PPIP5K1: variants seen among roughly 807,000 people sequenced by gnomAD.
PPIP5K1 encodes diphosphoinositol pentakisphosphate kinase 1, also known as inositol hexakisphosphate and diphosphoinositol-pentakisphosphate kinase 1.
PPIP5K1 carries 6 observed loss-of-function variants against 27.7 expected under a neutral mutation model. The observed-to-expected ratio is 0.22, with a 90% CI of 0.12 to 0.43. PPIP5K1 has a LOEUF of 0.43. Ranked by LOEUF, PPIP5K1 falls within the 20% of genes least tolerant of loss-of-function variation. The pLI is 1.00. For missense variants in PPIP5K1, 394 were observed against 635.4 expected (o/e 0.62, Z 4.08); for synonymous variants, 145 against 242.6 (o/e 0.60, Z 3.74).
At chr15:43,541,753 G>A (rs1382388846) in intron 30 of PPIP5K1, among the ~76,000 whole-genome samples, 2 of 151,176 alleles carry the variant, frequency 1.3e-5, no homozygotes, top group Non-Finnish European at 2.9e-5. Flanking sequence ...AGAGAGAAAA[G>A]AGAAAAGAAC....
intron 31 of PPIP5K1, among the ~76,000 whole-genome samples, chr15:43,538,109 G>A (rs984397750): frequency 6.6e-6 from 1 of 152,112 alleles, no homozygotes; most frequent in Non-Finnish European, 1.5e-5. Flanking sequence ...TGGTGTCAGA[G>A]AGGAAAGTTT....
rs1335427691 is a variant in PPIP5K1, at chr15:43,537,707, AGAGAG to A, written c.3670+1758_3670+1762del. Among the ~76,000 whole-genome samples, 275 of 99,280 alleles carry A rather than the reference AGAGAG, an allele frequency of 2.8e-3. 2 individuals carry two copies. Among genetic ancestry groups the A allele is most frequent in the African/African-American group, 0.015 (260 of 17,884 alleles). 65.1% of individuals were successfully genotyped at this position (99,280 alleles called of 152,430 possible). ...CCATCTCAAAAAAAAAAAAAAAAAA[AGAGAG>A]AGAGAGAGAGAGAGAGAGAAGATCA... On this transcript the variant is annotated intron_variant, in intron 31 of 31. Coordinates refer to ENST00000420765, the MANE Select transcript of PPIP5K1 (RefSeq NM_001394395.1).
intron 30 of PPIP5K1, among the ~76,000 whole-genome samples, chr15:43,552,740 A>C (rs191905084): frequency 1.3e-5 from 2 of 151,366 alleles, no homozygotes; most frequent in Admixed American, 1.3e-4. Context: ...TTCACCCACA[A>C]AAATTAAAAA....
At chr15:43,540,068 CACAGCAAA>C (rs961080497) in intron 30 of PPIP5K1, among the ~76,000 whole-genome samples, 1 of 151,976 alleles carries the variant, frequency 6.6e-6, no homozygotes, top group African/African-American at 2.4e-5. Flanking sequence ...GCCTGGCCAA[CACAGCAAA>C]ACCCCATTTC....
chr15:43,538,632 C>A (rs558592025), intron 31 of PPIP5K1, among the ~76,000 whole-genome samples: 7 of 152,296 alleles, frequency 4.6e-5, no homozygotes, highest in African/African-American at 1.7e-4. Context: ...CTGCCTCAGC[C>A]TTCCGAGTAG....
At chr15:43,558,688 G>A in intron 30 of PPIP5K1, 107 bp downstream of exon 30, 2 of 1,444,104 alleles carry the variant, frequency 1.4e-6, no homozygotes, top group Non-Finnish European at 1.9e-6. Context: ...GTACTTTTGT[G>A]TCTTTGTGGA....
chr15:43,549,551 G>T lies in PPIP5K1; in HGVS notation c.3556+9244C>A, dbSNP rs539743488. 2.2e-4 allele frequency among the ~76,000 whole-genome samples: 34 copies of T among 152,216 alleles called. No individual in the cohort carries two copies. In the South Asian group the frequency reaches 6.2e-3, roughly 28 times the overall value. On this transcript the variant is annotated intron_variant, in intron 30 of 31. Coordinates refer to ENST00000420765, the MANE Select transcript of PPIP5K1 (RefSeq NM_001394395.1). Reference sequence around the variant, plus strand: ...GCCTGTGGTCCTACCTACTTGGGAGGTTCAGGTGGGAGGATCACTTGAGCC... The same window carrying T: ...GCCTGTGGTCCTACCTACTTGGGAGTTTCAGGTGGGAGGATCACTTGAGCC...
At chr15:43,549,588 G>C (rs775592706) in intron 30 of PPIP5K1, among the ~76,000 whole-genome samples, 1 of 152,106 alleles carries the variant, frequency 6.6e-6, no homozygotes, top group East Asian at 1.9e-4. Context: ...GGGAGGCAGA[G>C]GTTTCAGTGA....
At chr15:43,554,518 G>A (rs1037424450) in intron 30 of PPIP5K1, among the ~76,000 whole-genome samples, 2 of 151,532 alleles carry the variant, frequency 1.3e-5, no homozygotes, top group Admixed American at 1.3e-4. Flanking sequence ...CTCTCTTTTG[G>A]TTACTATTTG....
In PPIP5K1 at chr15:43,534,799, G is replaced by A. The variant is rs1160179392; in HGVS notation, c.4348C>T (p.Leu1450=). The A allele has an allele frequency of 1.2e-6, 2 of 1,600,708 alleles. No individual in the cohort carries two copies. Among genetic ancestry groups the A allele is most frequent in the African/African-American group, 2.7e-5 (2 of 74,516 alleles). The change falls in exon 32 of 32, where the codon CTG becomes TTG. Residue 1450 remains leucine (L), a synonymous_variant. Coordinates refer to ENST00000420765, the MANE Select transcript of PPIP5K1 (RefSeq NM_001394395.1). ...TTGATCGCAGAAGTCTCCTGGGCCAGCCTGCCAACCTCCACAGAGAACTCC... is the reference window on the plus strand; with the variant it reads ...TTGATCGCAGAAGTCTCCTGGGCCAACCTGCCAACCTCCACAGAGAACTCC... ...YQEFSVEVGR[L]AQETSAINLL... is the part of the protein sequence containing the mutation.
chr15:43,548,870 A>T lies in PPIP5K1; in HGVS notation c.3557-9287T>A, dbSNP rs141876610. ...GTGAAACCCTGTCTCTACTAAAATT[A>T]GAAAAAAATTAGCTGGGCATGATGG... On this transcript the variant is annotated intron_variant, in intron 30 of 31. Transcript: ENST00000420765. Among the ~76,000 whole-genome samples, 828 of 150,666 alleles carry T rather than the reference A, an allele frequency of 5.5e-3. 6 individuals carry two copies. Among genetic ancestry groups the T allele is most frequent in the African/African-American group, 0.019 (796 of 41,182 alleles).
intron 10 of PPIP5K1, among the ~76,000 whole-genome samples, chr15:43,580,131 C>G (rs1226029792): frequency 3.9e-4 from 1 of 2,564 alleles, no homozygotes; most frequent in Non-Finnish European, 6.2e-4. Context: ...CAGGCGGAAG[C>G]CACTGAGCCT....
Position 43,535,494 on chromosome 15 carries a change from G to T in PPIP5K1, c.3671-18C>A. The T allele has an allele frequency of 6.5e-7, 1 of 1,538,296 alleles. No homozygotes were observed. The highest frequency in any genetic ancestry group is 1.3e-5 in the South Asian group (1 of 77,896). Reference sequence around the variant, plus strand: ...ACTGCTGTCTGTAAAGCAAAGTCAAGAGATCAAGTTAGAGAAGCTGGAAGA... The same window carrying T: ...ACTGCTGTCTGTAAAGCAAAGTCAATAGATCAAGTTAGAGAAGCTGGAAGA... On this transcript the variant is annotated intron_variant, in intron 31 of 31. Transcript: ENST00000420765.
chr15:43,553,505 A>G (rs1396236651), intron 30 of PPIP5K1, among the ~76,000 whole-genome samples: 2 of 152,002 alleles, frequency 1.3e-5, no homozygotes, highest in Admixed American at 1.3e-4. Flanking sequence ...ACCATGCCCA[A>G]TTAAATTTTT....
chr15:43,535,274 A>C lies in PPIP5K1; in HGVS notation c.3873T>G (p.Phe1291Leu). The change falls in exon 32 of 32, where the codon TTT becomes TTG. Residue 1291 changes from phenylalanine to leucine, a missense_variant. Around this residue, in one of 4 missense-constraint regions of PPIP5K1, gnomAD observed 379 missense variants for 423.9 expected, o/e 0.89. Transcript: ENST00000420765. ...ELSIEGEQEL[F>L]EPNQSPQVPP... ...GCACCTGTGGGGACTGATTTGGTTCAAAAAGCTCTTGCTCCCCTTCTATGG... is the reference window on the plus strand; with the variant it reads ...GCACCTGTGGGGACTGATTTGGTTCCAAAAGCTCTTGCTCCCCTTCTATGG... 1 of 1,614,150 alleles carries C rather than the reference A, an allele frequency of 6.2e-7. No homozygotes were observed. Among genetic ancestry groups the C allele is most frequent in the East Asian group, 2.2e-5 (1 of 44,880 alleles).
chr15:43,545,119 A>G (rs944498852), intron 30 of PPIP5K1, among the ~76,000 whole-genome samples: 6 of 151,904 alleles, frequency 3.9e-5, no homozygotes, highest in Non-Finnish European at 7.4e-5. Flanking sequence ...CAGAGCTTGC[A>G]GTGAGCCGAG....
At chr15:43,541,587 G>A (rs1263849427) in intron 30 of PPIP5K1, among the ~76,000 whole-genome samples, 1 of 151,986 alleles carries the variant, frequency 6.6e-6, no homozygotes, top group Non-Finnish European at 1.5e-5. Context: ...CGTGGTGGTG[G>A]GCGCCTGTAA....
chr15:43,542,647 AGTGTGTGTGTGTGTGT>A (rs56361192), intron 30 of PPIP5K1, among the ~76,000 whole-genome samples: 39 of 121,364 alleles, frequency 3.2e-4, no homozygotes, highest in Non-Finnish European at 5.0e-4. Flanking sequence ...ATATATATTC[AGTGTGTGTGTGTGTGT>A]GTGTGTGTGT....
At chr15:43,537,439 A>G in intron 31 of PPIP5K1, 1 of 293,784 alleles carries the variant, frequency 3.4e-6, no homozygotes, top group Non-Finnish European at 6.8e-6. Context: ...CTGTAATCCC[A>G]ACACTTTGGG....
Sources: allele counts gnomAD v4.1 joint callset (sites outside exome capture counted in the v4.1 genomes callset), GRCh38; gene constraint gnomAD v4.1.1; regional missense constraint gnomAD v4.1.1; transcripts MANE v1.5; gene names NCBI Gene and HGNC (gene_info 2026-07-23, HGNC 2026-07-21).